The following CDH23 variants were observed in gnomAD, a reference collection of about 807,000 sequenced individuals.
The protein encoded by CDH23 is cadherin related 23, also known as cadherin-23.
Under a neutral mutation model 317.1 loss-of-function variants are expected in CDH23, and 189 were observed. The observed-to-expected ratio is 0.60, with a 90% CI of 0.53 to 0.67. CDH23 has a LOEUF of 0.67. Among genes scored for constraint, CDH23 ranks in the 30% least tolerant of loss-of-function variants. CDH23 has a pLI of 0.00. For missense variants in CDH23, 4,401 were observed against 4,592.4 expected (o/e 0.96, Z 1.20); for synonymous variants, 1,839 against 1,876.8 (o/e 0.98, Z 0.52).
chr10:71,530,776 C>T (rs993763398), intron 6 of CDH23, among the ~76,000 whole-genome samples: 1 of 152,240 alleles, frequency 6.6e-6, no homozygotes, highest in African/African-American at 2.4e-5. Flanking sequence ...TTAATCCTTA[C>T]CGAACATGTC....
At chr10:71,698,874 C>G (rs1336279141) in intron 22 of CDH23, among the ~76,000 whole-genome samples, 1 of 152,182 alleles carries the variant, frequency 6.6e-6, no homozygotes, top group Non-Finnish European at 1.5e-5. Flanking sequence ...CCAAAATGCC[C>G]AAGTTCTCAC....
At chr10:71,672,121 A>G (rs1300007712) in intron 14 of CDH23, among the ~76,000 whole-genome samples, 1 of 152,020 alleles carries the variant, frequency 6.6e-6, no homozygotes, top group Non-Finnish European at 1.5e-5. Flanking sequence ...GAGTGTGCGC[A>G]GGGAGGAGCC....
At chr10:71,621,845 A>G (rs372077921) in intron 11 of CDH23, among the ~76,000 whole-genome samples, 7 of 152,278 alleles carry the variant, frequency 4.6e-5, no homozygotes, top group Non-Finnish European at 1.5e-5. Flanking sequence ...CTGTCTCCCA[A>G]GGACTCCATT....
At chr10:71,759,930 C>CACACATATATATACACACACAT (rs1564779366) in intron 38 of CDH23, among the ~76,000 whole-genome samples, 7 of 54,598 alleles carry the variant, frequency 1.3e-4, no homozygotes, top group African/African-American at 2.7e-4. Context: ...TACACACACA[C>CACACATATATATACACACACAT]ATATATACAC....
intron 6 of CDH23, among the ~76,000 whole-genome samples, chr10:71,547,451 C>T (rs1006560959): frequency 3.3e-5 from 5 of 152,196 alleles, no homozygotes; most frequent in African/African-American, 4.8e-5. Context: ...GCAGGCCAGG[C>T]AGCGCAGGTG....
At chr10:71,771,082 G>C (rs761501062) in intron 38 of CDH23, among the ~76,000 whole-genome samples, 2 of 152,230 alleles carry the variant, frequency 1.3e-5, no homozygotes, top group Admixed American at 6.5e-5. Context: ...TAGCCCCAGT[G>C]CACTTAAATG....
intron 11 of CDH23, 173 bp downstream of exon 11, chr10:71,617,566 T>G: frequency 6.9e-7 from 1 of 1,458,354 alleles, no homozygotes; most frequent in South Asian, 1.4e-5. Context: ...TCTCTACTTT[T>G]GGATTATCCC....
intron 38 of CDH23, among the ~76,000 whole-genome samples, chr10:71,759,988 TAC>T (rs1277745859): frequency 0.027 from 1,770 of 65,664 alleles, 390 homozygotes; most frequent in Non-Finnish European, 0.041. Context: ...CACATATATA[TAC>T]ACACACACAT....
At chr10:71,624,231 C>T (rs960974835) in intron 11 of CDH23, among the ~76,000 whole-genome samples, 1 of 152,196 alleles carries the variant, frequency 6.6e-6, no homozygotes, top group African/African-American at 2.4e-5. Flanking sequence ...GGGCGCCTCT[C>T]TGGGCCTCAT....
chr10:71,651,469 A>T (rs551094601), intron 14 of CDH23, among the ~76,000 whole-genome samples: 7 of 150,376 alleles, frequency 4.7e-5, no homozygotes, highest in Admixed American at 2.0e-4. Context: ...GGAAGTTGAG[A>T]CTTCAGTGAG....
intron 6 of CDH23, among the ~76,000 whole-genome samples, chr10:71,515,457 A>C (rs1220257795): frequency 2.0e-5 from 3 of 150,286 alleles, no homozygotes; most frequent in Admixed American, 1.3e-4. Context: ...CTAGTACTGG[A>C]GTTCAGCCTA....
At chr10:71,710,806 A>G (rs529229035) in intron 27 of CDH23, among the ~76,000 whole-genome samples, 1 of 152,354 alleles carries the variant, frequency 6.6e-6, no homozygotes, top group East Asian at 1.9e-4. Flanking sequence ...GCATGCGTGC[A>G]TGCACCGCAG....
intron 1 of CDH23, among the ~76,000 whole-genome samples, chr10:71,405,260 C>T (rs1426506323): frequency 5.9e-5 from 9 of 152,060 alleles, no homozygotes; most frequent in South Asian, 2.1e-4. Context: ...TCTCCTGCTC[C>T]GAACTGCCCC....
intron 9 of CDH23, among the ~76,000 whole-genome samples, chr10:71,584,801 C>T (rs887696503): frequency 4.6e-5 from 7 of 152,188 alleles, no homozygotes; most frequent in African/African-American, 1.4e-4. Context: ...CTCTGAATCG[C>T]ACACCACAGC....
chr10:71,811,969 A>G lies in CDH23; in HGVS notation c.9334A>G (p.Ile3112Val), dbSNP rs1841945248. Residue 3112 changes from isoleucine (I) to valine (V), a missense_variant, in exon 66 of 70, where the codon ATC becomes GTC. This residue lies in a region of CDH23 where 1,144 missense variants were observed against 1,138.2 expected (regional missense o/e 1.01). Coordinates refer to ENST00000224721, the MANE Select transcript of CDH23 (RefSeq NM_022124.6). ...TCTCCCTGCAGGGAATCGTGGCTTCATCGACATCATGGACATGCCTAACAC... is the reference window on the plus strand; with the variant it reads ...TCTCCCTGCAGGGAATCGTGGCTTCGTCGACATCATGGACATGCCTAACAC... ...VAGSAGNRGF[I>V]DIMDMPNTNK... 6.2e-7 allele frequency: 1 copy of G among 1,606,148 alleles called. No individual in the cohort carries two copies. Among genetic ancestry groups the G allele is most frequent in the Non-Finnish European group, 8.5e-7 (1 of 1,179,098 alleles).
intron 9 of CDH23, among the ~76,000 whole-genome samples, chr10:71,611,849 A>G (rs980470909): frequency 1.3e-5 from 2 of 152,242 alleles, no homozygotes; most frequent in African/African-American, 4.8e-5. Context: ...GACTGAAGGC[A>G]TCAACCTTGC....
intron 6 of CDH23, among the ~76,000 whole-genome samples, chr10:71,565,782 A>T (rs896133885): frequency 6.6e-6 from 1 of 152,174 alleles, no homozygotes; most frequent in Non-Finnish European, 1.5e-5. Context: ...GGGATTAAGG[A>T]TCAGAGAGAT....
At position 71,679,548 on chromosome 10, in the gene CDH23, G is replaced by A. The variant is rs976090545; in HGVS notation, c.1858+56G>A. 11 of 1,309,144 alleles carry A rather than the reference G, an allele frequency of 8.4e-6. No homozygotes were observed. The East Asian group carries it at 2.5e-4, about 29-fold the overall frequency. 81.1% of individuals were successfully genotyped at this position (1,309,144 alleles called of 1,614,324 possible). On this transcript the variant is annotated intron_variant, in intron 17 of 69. Coordinates refer to ENST00000224721, the MANE Select transcript of CDH23 (RefSeq NM_022124.6). ...CAGGAGGAGGGCTGGGGGGCTCTCTGCACTCACACCTCCCTTGTGGGGATG... is the reference window on the plus strand; with the variant it reads ...CAGGAGGAGGGCTGGGGGGCTCTCTACACTCACACCTCCCTTGTGGGGATG...
chr10:71,495,511 C>T (rs749242112), intron 3 of CDH23, among the ~76,000 whole-genome samples: 2 of 152,068 alleles, frequency 1.3e-5, no homozygotes, highest in Admixed American at 6.6e-5. Context: ...CCTTGAGTCC[C>T]AAATTCCCCA....
Sources: gnomAD v4.1 joint callset for allele counts (sites outside exome capture counted in the v4.1 genomes callset) on GRCh38, gnomAD v4.1.1 for gene constraint, gnomAD v4.1.1 regional missense constraint, MANE v1.5 for transcripts, NCBI Gene and HGNC (gene_info 2026-07-23, HGNC 2026-07-21) for gene names.